The following CAMKMT variants were observed in gnomAD, a reference collection of about 807,000 sequenced individuals.
CAMKMT encodes the protein CaM KMT.
CAMKMT carries 53 observed loss-of-function variants against 48.0 expected under a neutral mutation model. The observed-to-expected ratio is 1.10, with a 90% CI of 0.89 to 1.39. The LOEUF is 1.39. Ranked by LOEUF, CAMKMT falls within the 40% of genes most tolerant of loss-of-function variation. The pLI is 0.00. For missense variants in CAMKMT, 428 were observed against 402.7 expected (o/e 1.06, Z -0.54); for synonymous variants, 165 against 152.3 (o/e 1.08, Z -0.61).
intron 2 of CAMKMT, among the ~76,000 whole-genome samples, chr2:44,377,998 G>A (rs1432118688): frequency 6.6e-6 from 1 of 152,196 alleles, no homozygotes; most frequent in Non-Finnish European, 1.5e-5. Context: ...ACCTAGGTAC[G>A]TATATAGAGC....
chr2:44,574,799 G>A (rs1377225069), intron 3 of CAMKMT, among the ~76,000 whole-genome samples: 1 of 152,092 alleles, frequency 6.6e-6, no homozygotes, highest in East Asian at 1.9e-4. Context: ...AGAGTGCAGT[G>A]GCGCGGTCTC....
chr2:44,505,374 T>C (rs1176303374), intron 3 of CAMKMT, among the ~76,000 whole-genome samples: 1 of 152,256 alleles, frequency 6.6e-6, no homozygotes, highest in Non-Finnish European at 1.5e-5. Context: ...GGTCTTTTGC[T>C]GAGCAAAGGC....
chr2:44,768,190 G>A (rs2104408646), intron 10 of CAMKMT, among the ~76,000 whole-genome samples: 1 of 151,922 alleles, frequency 6.6e-6, no homozygotes, highest in African/African-American at 2.4e-5. Context: ...GGTCATAATT[G>A]CTGAAAAGTC....
At chr2:44,538,099 G>A (rs1009457863) in intron 3 of CAMKMT, among the ~76,000 whole-genome samples, 17 of 152,252 alleles carry the variant, frequency 1.1e-4, no homozygotes, top group African/African-American at 4.1e-4. Flanking sequence ...GCCGGGCGTG[G>A]TCGCTCACAC....
rs1031962748 is a variant in CAMKMT at position 44,593,407 on chromosome 2, T to G, written c.377-110876T>G. 9.9e-5 allele frequency among the ~76,000 whole-genome samples: 15 copies of G among 152,190 alleles called. No homozygotes were observed. The South Asian group carries it at 3.1e-3, about 32-fold the overall frequency. ...TTTTTCAGATATGCTGGGTTCTAAC[T>G]CTTTGCAGCTCTGTACTCTCTGATA... On this transcript the variant is annotated intron_variant, in intron 3 of 10. Transcript: ENST00000378494.
intron 3 of CAMKMT, among the ~76,000 whole-genome samples, chr2:44,553,752 T>A (rs1667852452): frequency 6.6e-6 from 1 of 152,214 alleles, no homozygotes; most frequent in African/African-American, 2.4e-5. Flanking sequence ...AGTCAACTGT[T>A]GCATTCTTTT....
intron 3 of CAMKMT, among the ~76,000 whole-genome samples, chr2:44,696,917 T>C (rs547187647): frequency 1.3e-5 from 2 of 152,166 alleles, no homozygotes; most frequent in South Asian, 4.1e-4. Flanking sequence ...TGACCATCAA[T>C]AACAATAGCA....
intron 3 of CAMKMT, among the ~76,000 whole-genome samples, chr2:44,687,206 A>T (rs1047629144): frequency 2.0e-5 from 3 of 152,192 alleles, no homozygotes; most frequent in African/African-American, 7.2e-5. Context: ...TTGATTTTTA[A>T]TTTTTATGTT....
chr2:44,595,529 A>T (rs1670599575), intron 3 of CAMKMT, among the ~76,000 whole-genome samples: 1 of 152,226 alleles, frequency 6.6e-6, no homozygotes, highest in Non-Finnish European at 1.5e-5. Flanking sequence ...TTGCATGCTC[A>T]TGGATAGGAA....
intron 3 of CAMKMT, among the ~76,000 whole-genome samples, chr2:44,521,504 C>T (rs185873559): frequency 7.9e-5 from 12 of 152,300 alleles, no homozygotes; most frequent in South Asian, 4.1e-4. Context: ...TGGTCTCAAT[C>T]CCCTGACCTC....
At position 44,362,136 on chromosome 2, in the gene CAMKMT, C is replaced by A. The variant is rs867206727; in HGVS notation, c.129C>A (p.Leu43=). Residue 43 remains leucine, a synonymous_variant, in exon 1 of 11, where the codon CTC becomes CTA. Transcript: ENST00000378494. ...CCCTGGGAGCCGCCCGGTGGAAGCT[C>A]CTGCGGCAGGTAAGGGAGAACCTGC... is the stretch of plus-strand genomic sequence containing the variant. ...SAPLGAARWK[L]LRQVLKQKHL... The A allele has an allele frequency of 6.8e-7, 1 of 1,477,920 alleles. No homozygotes were observed. Among genetic ancestry groups the A allele is most frequent in the Non-Finnish European group, 8.9e-7 (1 of 1,125,842 alleles). The allele number at this position is 1,477,920 out of a possible 1,614,324, so 91.6% of individuals were successfully genotyped here.
intron 3 of CAMKMT, among the ~76,000 whole-genome samples, chr2:44,584,915 C>T (rs111319450): frequency 0.013 from 2,022 of 151,806 alleles, 30 homozygotes; most frequent in African/African-American, 0.038. Context: ...ATTATCCGGG[C>T]GTGGTGGTGG....
At chr2:44,642,954 T>C (rs1673528216) in intron 3 of CAMKMT, among the ~76,000 whole-genome samples, 2 of 152,146 alleles carry the variant, frequency 1.3e-5, no homozygotes, top group African/African-American at 2.4e-5. Context: ...GGCATGGTTG[T>C]AAGCCTAATG....
intron 3 of CAMKMT, among the ~76,000 whole-genome samples, chr2:44,511,860 T>C (rs1670576497): frequency 6.6e-6 from 1 of 152,146 alleles, no homozygotes; most frequent in African/African-American, 2.4e-5. Flanking sequence ...ACCACCCTAT[T>C]TAATAATACT....
chr2:44,494,094 T>C (rs1260149452), intron 3 of CAMKMT, among the ~76,000 whole-genome samples: 1 of 152,252 alleles, frequency 6.6e-6, no homozygotes, highest in Non-Finnish European at 1.5e-5. Context: ...GCATGTTGTT[T>C]GCCTGTGCAT....
chr2:44,737,506 C>T (rs1252749821), intron 7 of CAMKMT, among the ~76,000 whole-genome samples: 2 of 152,096 alleles, frequency 1.3e-5, no homozygotes, highest in African/African-American at 2.4e-5. Context: ...CTAATTATTC[C>T]CTACTATTGA....
chr2:44,372,110 T>C (rs1036418776), intron 1 of CAMKMT, among the ~76,000 whole-genome samples: 1 of 152,216 alleles, frequency 6.6e-6, no homozygotes, highest in Non-Finnish European at 1.5e-5. Context: ...TGGTTCTTTC[T>C]TTTAGAATTG....
intron 3 of CAMKMT, among the ~76,000 whole-genome samples, chr2:44,584,165 C>T (rs530641936): frequency 6.6e-6 from 1 of 152,296 alleles, no homozygotes; most frequent in Non-Finnish European, 1.5e-5. Context: ...TTTCTGAGAT[C>T]CATCCATGTT....
At chr2:44,492,889 C>CTTTTTTTTTTTTTTTTTTTTT (rs11400501) in intron 3 of CAMKMT, among the ~76,000 whole-genome samples, 1 of 142,858 alleles carries the variant, frequency 7.0e-6, no homozygotes, top group Non-Finnish European at 1.5e-5. Context: ...CATATTGTAT[C>CTTTTTTTTTTTTTTTTTTTTT]TTTTTTTTTT....
Sources: gnomAD v4.1 joint callset for allele counts (sites outside exome capture counted in the v4.1 genomes callset) on GRCh38, gnomAD v4.1.1 for gene constraint, MANE v1.5 for transcripts, NCBI Gene and HGNC (gene_info 2026-07-23, HGNC 2026-07-21) for gene names.